NOS1AP: variants seen among roughly 807,000 people sequenced by gnomAD.
NOS1AP encodes the protein carboxyl-terminal PDZ ligand of neuronal nitric oxide synthase protein.
NOS1AP carries 21 observed loss-of-function variants against 56.2 expected under a neutral mutation model. That is an observed-to-expected ratio of 0.37 (90% CI 0.26 to 0.54). NOS1AP has a LOEUF of 0.54. NOS1AP is among the 20% of genes least tolerant of loss of function. The pLI is 0.84. For missense variants in NOS1AP, 522 were observed against 657.8 expected, an observed-to-expected ratio of 0.79 and a Z score of 2.26; for synonymous variants, 270 against 274.6, an observed-to-expected ratio of 0.98 and a Z score of 0.17.
At chr1:162,172,697 G>C (rs1557818022) in intron 2 of NOS1AP, among the ~76,000 whole-genome samples, 1 of 151,804 alleles carries the variant, frequency 6.6e-6, no homozygotes, top group East Asian at 1.9e-4. Context: ...GTGAGGAAAG[G>C]TTTTTTTTGT....
chr1:162,284,910 C>A (rs74125817), intron 2 of NOS1AP, among the ~76,000 whole-genome samples: 1 of 152,160 alleles, frequency 6.6e-6, no homozygotes, highest in African/African-American at 2.4e-5. Context: ...CTACAACATT[C>A]TTCCAGAAAT....
At chr1:162,330,465 G>A (rs1571223312) in intron 4 of NOS1AP, among the ~76,000 whole-genome samples, 1 of 152,336 alleles carries the variant, frequency 6.6e-6, no homozygotes, top group East Asian at 1.9e-4. Flanking sequence ...GGGGAAGGCT[G>A]CTCTGAACCA....
At chr1:162,300,737 A>C in intron 4 of NOS1AP, 31 bp downstream of exon 4, 14 of 1,602,744 alleles carry the variant, frequency 8.7e-6, no homozygotes, top group African/African-American at 2.7e-5. Flanking sequence ...CCAAGATATC[A>C]CTGAGCCCCA....
chr1:162,093,182 T>A (rs1692170263), intron 1 of NOS1AP, among the ~76,000 whole-genome samples: 1 of 152,146 alleles, frequency 6.6e-6, no homozygotes, highest in Admixed American at 6.5e-5. Context: ...CTGATAAAAA[T>A]ATCTCCCCTA....
At chr1:162,305,275 C>T (rs1571205692) in intron 4 of NOS1AP, among the ~76,000 whole-genome samples, 4 of 152,226 alleles carry the variant, frequency 2.6e-5, no homozygotes, top group South Asian at 4.2e-4. Flanking sequence ...ACTCTGTGCC[C>T]GTTAAGTAGT....
intron 2 of NOS1AP, among the ~76,000 whole-genome samples, chr1:162,179,190 T>C (rs1037323876): frequency 5.9e-5 from 9 of 152,200 alleles, no homozygotes; most frequent in African/African-American, 1.9e-4. Flanking sequence ...GTCTTAATCA[T>C]ATGTTACACC....
chr1:162,367,532 G>T lies in NOS1AP; in HGVS notation c.*65G>T. On this transcript the variant is annotated 3_prime_UTR_variant, in exon 10 of 10. Transcript: ENST00000361897. This position sits in a 1 kb window ranked among gnomAD's most constrained non-coding sequence, Gnocchi z 6.5. ...AGGGGCCGTGTCTGGCTGCTGCCCG[G>T]GTAGGGGATGCCCAGTGAATGTGCA... The T allele has an allele frequency of 6.8e-7, 1 of 1,478,000 alleles. No homozygotes were observed. 91.6% of individuals were successfully genotyped at this position (1,478,000 alleles called of 1,614,324 possible).
intron 1 of NOS1AP, among the ~76,000 whole-genome samples, chr1:162,143,713 C>T (rs781125979): frequency 7.9e-5 from 12 of 152,242 alleles, no homozygotes; most frequent in East Asian, 1.9e-4. Flanking sequence ...CCCCCCACCT[C>T]GGCCTCTCAA....
chr1:162,074,995 C>G lies in NOS1AP; in HGVS notation c.105+4713C>G, dbSNP rs541436245. The stretch of plus-strand genomic sequence containing the variant: ...GTCACTTCTGCCACATCCTGTTGGT[C>G]AAAACAGGCTATTAGGGAAGAGACA... On this transcript the variant is annotated intron_variant, in intron 1 of 9. Transcript: ENST00000361897. 2.0e-5 allele frequency among the ~76,000 whole-genome samples: 3 copies of G among 152,194 alleles called. No individual in the cohort carries two copies. The East Asian group carries it at 5.8e-4, about 29-fold the overall frequency.
chr1:162,270,584 T>C (rs1654552342), intron 2 of NOS1AP, among the ~76,000 whole-genome samples: 1 of 152,210 alleles, frequency 6.6e-6, no homozygotes, highest in Non-Finnish European at 1.5e-5. Flanking sequence ...CTTATGGGGA[T>C]GTTTTGGATA....
chr1:162,265,279 C>A (rs1404817919), intron 2 of NOS1AP, among the ~76,000 whole-genome samples: 2 of 150,052 alleles, frequency 1.3e-5, no homozygotes, highest in Non-Finnish European at 1.5e-5. Context: ...GCACAATGTG[C>A]AGGTTAGTTA....
chr1:162,356,900 G>A (rs1657720538), intron 7 of NOS1AP, 60 bp from the exon 8 acceptor site: 2 of 1,612,098 alleles, frequency 1.2e-6, no homozygotes, highest in Admixed American at 1.7e-5. Context: ...CCAAAGAGAG[G>A]GAGGCCCCTC....
At chr1:162,219,039 A>G (rs960855535) in intron 2 of NOS1AP, among the ~76,000 whole-genome samples, 4 of 151,884 alleles carry the variant, frequency 2.6e-5, no homozygotes, top group Admixed American at 2.6e-4. Context: ...AGAATGTGCA[A>G]GTGAGGTATT....
chr1:162,103,489 T>C (rs1293113693), intron 1 of NOS1AP, among the ~76,000 whole-genome samples: 1 of 152,200 alleles, frequency 6.6e-6, no homozygotes, highest in Non-Finnish European at 1.5e-5. Flanking sequence ...AATATCTTTG[T>C]TAATTTTCTG....
intron 5 of NOS1AP, among the ~76,000 whole-genome samples, chr1:162,339,320 G>T (rs767393059): frequency 1.3e-5 from 2 of 152,012 alleles, no homozygotes; most frequent in African/African-American, 2.4e-5. Context: ...GATTTGATCC[G>T]TGTGGCAAAG....
intron 4 of NOS1AP, among the ~76,000 whole-genome samples, chr1:162,305,322 C>T (rs535487381): frequency 7.4e-4 from 112 of 152,010 alleles, no homozygotes; most frequent in Non-Finnish European, 1.5e-3. Flanking sequence ...CCCCGGTCAC[C>T]TCTAACATCA....
intron 2 of NOS1AP, among the ~76,000 whole-genome samples, chr1:162,222,075 C>T (rs1459771601): frequency 6.6e-6 from 1 of 152,098 alleles, no homozygotes; most frequent in Non-Finnish European, 1.5e-5. Context: ...TATTTCTTTC[C>T]TTGCTCTCTC....
chr1:162,122,779 A>G (rs1459055466), intron 1 of NOS1AP, among the ~76,000 whole-genome samples: 1 of 152,224 alleles, frequency 6.6e-6, no homozygotes, highest in Non-Finnish European at 1.5e-5. Context: ...TGTTGGGGTT[A>G]CAGGCATGAG....
chr1:162,297,290 T>A (rs1655496383), intron 3 of NOS1AP, among the ~76,000 whole-genome samples: 1 of 152,230 alleles, frequency 6.6e-6, no homozygotes, highest in South Asian at 2.1e-4. Flanking sequence ...GGGAGCAGAC[T>A]GTCCTGATGG....
Sources: gnomAD v4.1 joint callset for allele counts (sites outside exome capture counted in the v4.1 genomes callset) on GRCh38, gnomAD v4.1.1 for gene constraint, Gnocchi (gnomAD v3.1) non-coding constraint, MANE v1.5 for transcripts, NCBI Gene and HGNC (gene_info 2026-07-23, HGNC 2026-07-21) for gene names.